The following CSMD1 variants were observed in gnomAD, a reference collection of about 807,000 sequenced individuals.
CSMD1 encodes the protein CUB and sushi domain-containing protein 1.
CSMD1 carries 213 observed loss-of-function variants against 417.5 expected under a neutral mutation model. The ratio of observed to expected loss-of-function variants is 0.51; its 90% CI spans 0.46 to 0.57. The LOEUF (loss-of-function observed/expected upper bound fraction) is 0.57. Ranked by LOEUF, CSMD1 falls within the 20% of genes least tolerant of loss-of-function variation. The pLI is 0.00. For missense variants in CSMD1, 6,923 were observed against 4,529.7 expected (o/e 1.53, Z -15.17); for synonymous variants, 2,862 against 1,736.8 (o/e 1.65, Z -16.11).
intron 1 of CSMD1, among the ~76,000 whole-genome samples, chr8:4,874,853 TTAAA>T (rs776101922): frequency 6.7e-6 from 1 of 149,002 alleles, no homozygotes; most frequent in East Asian, 1.9e-4. Context: ...ATATATAATA[TTAAA>T]TATAGTATAG....
At chr8:4,050,778 A>G (rs1219707298) in intron 3 of CSMD1, among the ~76,000 whole-genome samples, 2 of 152,180 alleles carry the variant, frequency 1.3e-5, no homozygotes, top group Non-Finnish European at 2.9e-5. Flanking sequence ...AGTGTATAAA[A>G]TTCAGAGTCC....
intron 21 of CSMD1, among the ~76,000 whole-genome samples, chr8:3,351,734 T>A (rs923440963): frequency 6.9e-6 from 1 of 145,152 alleles, no homozygotes; most frequent in South Asian, 2.1e-4. Flanking sequence ...AATATATATT[T>A]AATATGTATT....
At chr8:4,810,384 G>A (rs1013207891) in intron 1 of CSMD1, among the ~76,000 whole-genome samples, 2 of 152,078 alleles carry the variant, frequency 1.3e-5, no homozygotes, top group Non-Finnish European at 2.9e-5. Flanking sequence ...TTATTCCATA[G>A]CCATTCATAA....
At chr8:3,032,726 A>AC (rs1291666332) in intron 50 of CSMD1, among the ~76,000 whole-genome samples, 3 of 151,064 alleles carry the variant, frequency 2.0e-5, no homozygotes, top group Admixed American at 6.6e-5. Flanking sequence ...TCTACACTCA[A>AC]CCCCCCCAAC....
chr8:3,471,687 T>C (rs1005703799), intron 11 of CSMD1, among the ~76,000 whole-genome samples: 1 of 141,060 alleles, frequency 7.1e-6, no homozygotes, highest in African/African-American at 2.5e-5. Context: ...CCTTCCTTCC[T>C]TCCTTCTTCC....
At chr8:3,042,134 A>G (rs1811140316) in intron 50 of CSMD1, among the ~76,000 whole-genome samples, 1 of 152,162 alleles carries the variant, frequency 6.6e-6, no homozygotes, top group African/African-American at 2.4e-5. Context: ...GATGGGGACA[A>G]TTCTCCAGGG....
intron 17 of CSMD1, among the ~76,000 whole-genome samples, chr8:3,392,763 T>C (rs886598287): frequency 6.6e-6 from 1 of 152,174 alleles, no homozygotes; most frequent in African/African-American, 2.4e-5. Context: ...TGCACTATGA[T>C]GTTTGAAGAA....
rs534952391 is a variant in CSMD1, at chr8:4,543,488, T to A, written c.302+93854A>T. On this transcript the variant is annotated intron_variant, in intron 2 of 69. Transcript: ENST00000635120. ...TGAATTAATTGTTTCCCTTTAGCCCTGAATAATTTTGATTATCTGTATGGA... is the reference window on the plus strand; with the variant it reads ...TGAATTAATTGTTTCCCTTTAGCCCAGAATAATTTTGATTATCTGTATGGA... Among the ~76,000 whole-genome samples the A allele has an allele frequency of 3.3e-5, 5 of 152,190 alleles. No homozygotes were observed. The East Asian group carries it at 5.8e-4, about 18-fold the overall frequency.
chr8:4,663,032 G>A (rs760019016), intron 1 of CSMD1, among the ~76,000 whole-genome samples: 1 of 152,184 alleles, frequency 6.6e-6, no homozygotes, highest in African/African-American at 2.4e-5. Context: ...AAAAATCTCT[G>A]TTCCAGCCCA....
At chr8:4,747,903 G>A (rs993077483) in intron 1 of CSMD1, among the ~76,000 whole-genome samples, 1 of 152,198 alleles carries the variant, frequency 6.6e-6, no homozygotes, top group Non-Finnish European at 1.5e-5. Flanking sequence ...TTTAAGCAAA[G>A]GATAATCAAT....
chr8:4,175,260 T>A (rs1166469304), intron 3 of CSMD1, among the ~76,000 whole-genome samples: 2 of 152,172 alleles, frequency 1.3e-5, no homozygotes, highest in East Asian at 1.9e-4. Context: ...AAACCATTTA[T>A]ATTTAATTAT....
intron 1 of CSMD1, among the ~76,000 whole-genome samples, chr8:4,671,014 T>C (rs756666058): frequency 9.2e-5 from 14 of 152,332 alleles, no homozygotes; most frequent in African/African-American, 3.1e-4. Flanking sequence ...CTTGCCTACA[T>C]TGGCTGCTGT....
At chr8:3,675,075 C>T (rs1398108819) in intron 7 of CSMD1, among the ~76,000 whole-genome samples, 2 of 152,090 alleles carry the variant, frequency 1.3e-5, no homozygotes, top group South Asian at 2.1e-4. Flanking sequence ...TGACGAATAC[C>T]GTCGACCATA....
intron 3 of CSMD1, among the ~76,000 whole-genome samples, chr8:4,108,091 G>C (rs1006037939): frequency 2.7e-5 from 4 of 149,920 alleles, no homozygotes; most frequent in South Asian, 4.3e-4. Flanking sequence ...GAGACAGAGA[G>C]AGAACAAGAA....
rs1803276091 is a variant in CSMD1 at position 3,287,902 on chromosome 8, C to T, written c.3951-3556G>A. On this transcript the variant is annotated intron_variant, in intron 25 of 69. Transcript: ENST00000635120. ...TGCCAGTTTGCAAAGGGAATGCTTC[C>T]AGTTTTTGCCTATTCAGTATGATAT... 1.4e-5 allele frequency among the ~76,000 whole-genome samples: 2 copies of T among 144,202 alleles called. 1 individual carries two copies. The highest frequency in any genetic ancestry group is 5.5e-5 in the African/African-American group (2 of 36,482). 94.6% of individuals were successfully genotyped at this position (144,202 alleles called of 152,430 possible).
intron 5 of CSMD1, among the ~76,000 whole-genome samples, chr8:3,855,762 T>C (rs1041646598): frequency 2.0e-5 from 3 of 152,142 alleles, no homozygotes; most frequent in African/African-American, 7.2e-5. Flanking sequence ...AATCCTAGAG[T>C]CTGCTGACTT....
intron 19 of CSMD1, among the ~76,000 whole-genome samples, chr8:3,368,407 G>A (rs1459627510): frequency 6.6e-6 from 1 of 152,134 alleles, no homozygotes; most frequent in Non-Finnish European, 1.5e-5. Context: ...CGCAATCTCA[G>A]CTCACTGCAA....
intron 49 of CSMD1, among the ~76,000 whole-genome samples, chr8:3,063,150 G>A (rs190157725): frequency 3.7e-4 from 57 of 152,218 alleles, no homozygotes; most frequent in African/African-American, 9.1e-4. Context: ...CTTTGTGGCC[G>A]ATTTCAAAGG....
chr8:3,671,795 T>C (rs1799082934), intron 7 of CSMD1, among the ~76,000 whole-genome samples: 1 of 151,796 alleles, frequency 6.6e-6, no homozygotes, highest in Non-Finnish European at 1.5e-5. Context: ...AGAGCAGCCC[T>C]GGGCTTGGAG....
Sources: allele counts gnomAD v4.1 joint callset (sites outside exome capture counted in the v4.1 genomes callset), GRCh38; gene constraint gnomAD v4.1.1; transcripts MANE v1.5; gene names NCBI Gene and HGNC (gene_info 2026-07-23, HGNC 2026-07-21).